OSTN: variants seen among roughly 807,000 people sequenced by gnomAD.
OSTN encodes the protein osteocrin.
Under a neutral mutation model 12.0 loss-of-function variants are expected in OSTN, and 9 were observed. The observed-to-expected ratio is 0.75, with a 90% CI of 0.45 to 1.30. OSTN has a LOEUF of 1.30. Among genes scored for constraint, OSTN ranks in the 50% most tolerant of loss-of-function variants. The pLI is 0.00. For missense variants in OSTN, 148 were observed against 152.3 expected, an observed-to-expected ratio of 0.97 and a Z score of 0.15; for synonymous variants, 59 against 56.9, an observed-to-expected ratio of 1.04 and a Z score of -0.16.
At chr3:191,240,634 C>A (rs1369025777) in intron 3 of OSTN, among the ~76,000 whole-genome samples, 1 of 152,210 alleles carries the variant, frequency 6.6e-6, no homozygotes, top group Non-Finnish European at 1.5e-5. Context: ...CAGGGTCTCT[C>A]TCAAGGTTAC....
intron 2 of OSTN, among the ~76,000 whole-genome samples, chr3:191,218,355 C>T (rs1173384026): frequency 6.6e-6 from 1 of 152,166 alleles, no homozygotes; most frequent in Non-Finnish European, 1.5e-5. Context: ...GGTGTTGTGG[C>T]TCACACCTGC....
At chr3:191,239,357 G>C (rs9836114) in intron 3 of OSTN, among the ~76,000 whole-genome samples, 106,569 of 152,106 alleles carry the variant, frequency 0.7, 37,586 homozygotes, top group South Asian at 0.79. Flanking sequence ...CTGGGCATGC[G>C]CTATGGAGAG....
chr3:191,220,016 C>T (rs1045785890), intron 3 of OSTN, among the ~76,000 whole-genome samples: 7 of 152,170 alleles, frequency 4.6e-5, no homozygotes, highest in Non-Finnish European at 1.0e-4. Flanking sequence ...TTATCCATTG[C>T]TTACAGTACA....
chr3:191,258,624 G>C (rs137908076), intron 4 of OSTN, among the ~76,000 whole-genome samples: 3 of 150,624 alleles, frequency 2.0e-5, no homozygotes, highest in Admixed American at 6.7e-5. Flanking sequence ...AAGCCTGCAC[G>C]TTCTGCACAT....
chr3:191,256,771 TAA>T (rs1491068910), intron 4 of OSTN, among the ~76,000 whole-genome samples: 3 of 151,736 alleles, frequency 2.0e-5, no homozygotes, highest in Non-Finnish European at 4.4e-5. Flanking sequence ...CTAATTTTAA[TAA>T]GTTTATAAAC....
chr3:191,250,266 T>G (rs1027132905), intron 4 of OSTN, 133 bp downstream of exon 4: 22 of 673,808 alleles, frequency 3.3e-5, no homozygotes, highest in Non-Finnish European at 5.4e-5. Context: ...TTTCAATCAT[T>G]TATGTATGCA....
At chr3:191,225,189 A>G (rs1201695593) in intron 3 of OSTN, among the ~76,000 whole-genome samples, 2 of 152,182 alleles carry the variant, frequency 1.3e-5, no homozygotes, top group East Asian at 1.9e-4. Flanking sequence ...ACTATGCTCA[A>G]TTCTCTATAA....
chr3:191,247,985 C>T lies in OSTN; in HGVS notation c.318-2052C>T, dbSNP rs1161242802. Among the ~76,000 whole-genome samples, 3 of 152,152 alleles carry T rather than the reference C, an allele frequency of 2.0e-5. 1 individual carries two copies. Among genetic ancestry groups the T allele is most frequent in the Non-Finnish European group, 4.4e-5 (3 of 67,972 alleles). On this transcript the variant is annotated intron_variant, in intron 3 of 4. Coordinates refer to ENST00000682035, the MANE Select transcript of OSTN (RefSeq NM_198184.2). ...AGTAGCTGGGATTACAGGAACACGC[C>T]ACCATGCCCTGCTAATTTTTGTATT...
intron 3 of OSTN, among the ~76,000 whole-genome samples, chr3:191,235,337 C>T (rs1034850563): frequency 6.6e-6 from 1 of 152,194 alleles, no homozygotes; most frequent in African/African-American, 2.4e-5. Flanking sequence ...TAGCTTGGAC[C>T]CCATTCATCC....
intron 1 of OSTN, among the ~76,000 whole-genome samples, chr3:191,203,742 C>T (rs941665638): frequency 3.9e-5 from 6 of 152,134 alleles, no homozygotes; most frequent in African/African-American, 1.4e-4. Flanking sequence ...ATAGGTTATA[C>T]TCGAAAGAGC....
At chr3:191,226,405 G>A (rs1438773871) in intron 3 of OSTN, among the ~76,000 whole-genome samples, 1 of 152,130 alleles carries the variant, frequency 6.6e-6, no homozygotes, top group African/African-American at 2.4e-5. Flanking sequence ...TGATGTACAT[G>A]TATGTGTGTG....
chr3:191,214,662 A>G (rs367721128), intron 2 of OSTN, among the ~76,000 whole-genome samples: 8 of 151,784 alleles, frequency 5.3e-5, no homozygotes, highest in African/African-American at 1.5e-4. Context: ...TGAAAATGCT[A>G]CTCTTTTGTT....
chr3:191,264,708 T>G lies in OSTN; in HGVS notation c.*1855T>G, dbSNP rs1284669231. On this transcript the variant is annotated 3_prime_UTR_variant, in exon 5 of 5. Transcript: ENST00000682035. ...AATGTTTCCTATTGCTTAGAAGCTC[T>G]TTCTTTCCTTGTATGCACATTTGGG... 6.6e-6 allele frequency: 1 copy of G among 152,156 alleles called. No homozygotes were observed. Among genetic ancestry groups the G allele is most frequent in the Non-Finnish European group, 1.5e-5 (1 of 67,980 alleles). 9.4% of individuals were successfully genotyped at this position (152,156 alleles called of 1,614,324 possible).
At chr3:191,232,284 G>T (rs1417922010) in intron 3 of OSTN, among the ~76,000 whole-genome samples, 1 of 126,568 alleles carries the variant, frequency 7.9e-6, no homozygotes, top group Non-Finnish European at 1.5e-5. Flanking sequence ...AGTGAGCCAA[G>T]ATTGTGCCAC....
chr3:191,250,734 T>C (rs1286970894), intron 4 of OSTN, among the ~76,000 whole-genome samples: 1 of 152,298 alleles, frequency 6.6e-6, no homozygotes, highest in East Asian at 1.9e-4. Flanking sequence ...TTACATTAGA[T>C]GTTTGTAGTG....
intron 4 of OSTN, among the ~76,000 whole-genome samples, chr3:191,253,846 A>G (rs767365161): frequency 5.3e-5 from 8 of 152,230 alleles, no homozygotes; most frequent in Non-Finnish European, 1.2e-4. Context: ...TCACTTCAGA[A>G]TATGTTAAAG....
At chr3:191,228,837 T>A (rs1040347971) in intron 3 of OSTN, 2 of 152,202 alleles carry the variant, frequency 1.3e-5, no homozygotes, top group Non-Finnish European at 2.9e-5. Flanking sequence ...TTTCTCTTTA[T>A]ACAATTATTA....
At chr3:191,235,924 C>G (rs964725022) in intron 3 of OSTN, among the ~76,000 whole-genome samples, 1 of 152,190 alleles carries the variant, frequency 6.6e-6, no homozygotes, top group Admixed American at 6.5e-5. Context: ...TTCATAGACA[C>G]TATTTTATTA....
intron 3 of OSTN, among the ~76,000 whole-genome samples, chr3:191,223,455 A>G (rs900255592): frequency 1.3e-5 from 2 of 152,256 alleles, no homozygotes; most frequent in African/African-American, 4.8e-5. Flanking sequence ...GTTATAGTAC[A>G]CGGTTTGAAA....
Sources: gnomAD v4.1 joint callset for allele counts (sites outside exome capture counted in the v4.1 genomes callset) on GRCh38, gnomAD v4.1.1 for gene constraint, MANE v1.5 for transcripts, NCBI Gene and HGNC (gene_info 2026-07-23, HGNC 2026-07-21) for gene names.